Variants in CPXM2 observed in about 807,000 individuals in gnomAD.
CPXM2 encodes the protein inactive carboxypeptidase-like protein X2.
CPXM2 carries 66 observed loss-of-function variants against 86.1 expected under a neutral mutation model. That is an observed-to-expected ratio of 0.77 (90% CI 0.63 to 0.94). The LOEUF is 0.94. Among genes scored for constraint, CPXM2 ranks in the 40% least tolerant of loss-of-function variants. CPXM2 has a pLI of 0.00. For missense variants in CPXM2, 948 were observed against 1,026.3 expected, an observed-to-expected ratio of 0.92 and a Z score of 1.04; for synonymous variants, 388 against 400.2, an observed-to-expected ratio of 0.97 and a Z score of 0.36.
intron 4 of CPXM2, among the ~76,000 whole-genome samples, chr10:123,801,482 A>G (rs770677979): frequency 1.3e-5 from 2 of 152,018 alleles, no homozygotes; most frequent in African/African-American, 4.8e-5. Context: ...AGTTCTGTCA[A>G]TTTTAACTCC....
Position 123,842,400 on chromosome 10 carries a change from C to A in CPXM2, c.602G>T (p.Arg201Leu). 1.2e-6 allele frequency: 2 copies of A among 1,614,242 alleles called. No homozygotes were observed. The highest frequency in any genetic ancestry group is 1.7e-6 in the Non-Finnish European group (2 of 1,180,036). Residue 201 changes from arginine to leucine, a missense_variant, in exon 4 of 14, where the codon CGC becomes CTC. Coordinates refer to ENST00000241305, the MANE Select transcript of CPXM2 (RefSeq NM_198148.3). ...LQQWIEVDAR[R>L]LTRFTGVITQ... ...GATGACACCAGTGAATCTGGTCAGG[C>A]GCCGAGCATCCACTTCAATCCACTG...
rs540740927 is a variant in CPXM2, at chr10:123,843,775, C to T, written c.514-1287G>A. ...CCATCACTGTACCAGCTAACATAAG[C>T]GTTCTATCAGGACAAAACCACAGTA... On this transcript the variant is annotated intron_variant, in intron 3 of 13. Coordinates refer to ENST00000241305, the MANE Select transcript of CPXM2 (RefSeq NM_198148.3). Among the ~76,000 whole-genome samples the T allele has an allele frequency of 1.5e-4, 23 of 152,250 alleles. No homozygotes were observed. In the South Asian group the frequency reaches 2.7e-3, roughly 18 times the overall value.
intron 2 of CPXM2, among the ~76,000 whole-genome samples, chr10:123,929,790 C>T (rs1201518568): frequency 6.6e-6 from 1 of 152,198 alleles, no homozygotes; most frequent in Non-Finnish European, 1.5e-5. Flanking sequence ...GGTGTGCACC[C>T]ACACAGATAC....
rs532803793 is a variant in CPXM2 at position 123,747,013 on chromosome 10, G to A, written c.2022C>T (p.Asn674=). The change falls in exon 14 of 14, where the codon AAC becomes AAT. Residue 674 remains asparagine, a synonymous_variant. Coordinates refer to ENST00000241305, the MANE Select transcript of CPXM2 (RefSeq NM_198148.3). ...TCAGGAGGCGCCAGTAATCCCCATC[G>A]TTGGCTGTGAAAAAGAAAACCAGGG... ...EGINHDIRTA[N]DGDYWRLLNP... The A allele has an allele frequency of 9.9e-6, 16 of 1,613,258 alleles. No individual in the cohort carries two copies. The highest frequency in any genetic ancestry group is 7.7e-5 in the South Asian group (7 of 91,008).
At chr10:123,926,797 G>A (rs911981837) in intron 2 of CPXM2, among the ~76,000 whole-genome samples, 1 of 152,074 alleles carries the variant, frequency 6.6e-6, no homozygotes, top group Non-Finnish European at 1.5e-5. Context: ...AGACAAGACA[G>A]GGGAATCCCC....
chr10:123,757,107 G>C (rs1436975579), intron 12 of CPXM2, 106 bp downstream of exon 12: 51 of 1,048,146 alleles, frequency 4.9e-5, no homozygotes, highest in Non-Finnish European at 7.1e-5. Context: ...GGCCCAGGAT[G>C]ACGGCCAAGG....
At chr10:123,821,246 G>A (rs1307564256) in intron 4 of CPXM2, among the ~76,000 whole-genome samples, 2 of 152,202 alleles carry the variant, frequency 1.3e-5, no homozygotes, top group Non-Finnish European at 2.9e-5. Context: ...TGGACATAGA[G>A]TTCAAATTTC....
At chr10:123,853,005 T>C (rs1430091315) in intron 3 of CPXM2, among the ~76,000 whole-genome samples, 2 of 152,196 alleles carry the variant, frequency 1.3e-5, no homozygotes, top group African/African-American at 4.8e-5. Context: ...CGTCAAATTG[T>C]AATTCCCAGT....
chr10:123,798,147 A>C (rs1162944979), intron 5 of CPXM2, 21 bp from the exon 6 acceptor site: 1 of 1,572,764 alleles, frequency 6.4e-7, no homozygotes, highest in Non-Finnish European at 8.6e-7. Flanking sequence ...TCATGGGAGA[A>C]AAGGAAAATC....
chr10:123,789,934 C>T (rs1024996520), intron 6 of CPXM2, among the ~76,000 whole-genome samples: 20 of 152,096 alleles, frequency 1.3e-4, no homozygotes, highest in Non-Finnish European at 1.8e-4. Flanking sequence ...CTGGCTAACA[C>T]GGTGAAACCC....
intron 7 of CPXM2, 134 bp from the exon 8 acceptor site, chr10:123,771,173 C>T: frequency 1.3e-6 from 1 of 742,958 alleles, no homozygotes; most frequent in South Asian, 1.6e-5. Context: ...CACACCCCAG[C>T]TGCTATCGCC....
chr10:123,750,170 T>C (rs917413815), intron 13 of CPXM2: 37 of 985,262 alleles, frequency 3.8e-5, no homozygotes, highest in Non-Finnish European at 4.3e-5. Flanking sequence ...TCAAGAAATT[T>C]GTTCTGTCCT....
At chr10:123,757,449 G>C (rs545448414) in intron 11 of CPXM2, 97 bp from the exon 12 acceptor site, 5 of 1,044,390 alleles carry the variant, frequency 4.8e-6, no homozygotes, top group African/African-American at 3.1e-5. Context: ...AAGAACATTC[G>C]GAAGGCCTTG....
chr10:123,746,352 G>A lies in CPXM2; in HGVS notation c.*412C>T, dbSNP rs963449260. The A allele has an allele frequency of 4.9e-6, 1 of 203,380 alleles. No individual in the cohort carries two copies. Among genetic ancestry groups the A allele is most frequent in the African/African-American group, 2.3e-5 (1 of 42,618 alleles). 12.6% of individuals were successfully genotyped at this position (203,380 alleles called of 1,614,324 possible). A position where few individuals can be genotyped will look rare whatever the true frequency, so the allele number is the denominator to read the frequency against. On this transcript the variant is annotated 3_prime_UTR_variant, in exon 14 of 14. Transcript: ENST00000241305. ...GGTAACATTTGGGACAGCCCAGCTG[G>A]GGAAATGCTGCAATTTTAGCTGTGC...
At chr10:123,876,803 T>G (rs1944996204) in intron 2 of CPXM2, among the ~76,000 whole-genome samples, 1 of 152,214 alleles carries the variant, frequency 6.6e-6, no homozygotes, top group South Asian at 2.1e-4. Flanking sequence ...TGCTGAGAGC[T>G]TACTGTGTGC....
chr10:123,901,915 G>T (rs1197891710), intron 2 of CPXM2, among the ~76,000 whole-genome samples: 1 of 152,086 alleles, frequency 6.6e-6, no homozygotes, highest in Non-Finnish European at 1.5e-5. Flanking sequence ...GGAGGTAAGC[G>T]GGGCTGAATT....
intron 2 of CPXM2, among the ~76,000 whole-genome samples, chr10:123,922,629 G>A (rs1020971317): frequency 1.3e-5 from 2 of 152,202 alleles, no homozygotes; most frequent in African/African-American, 4.8e-5. Flanking sequence ...TTGTCTCACT[G>A]AGTCTACAAC....
chr10:123,871,590 A>G (rs1408375462), intron 2 of CPXM2, among the ~76,000 whole-genome samples: 1 of 152,236 alleles, frequency 6.6e-6, no homozygotes, highest in Non-Finnish European at 1.5e-5. Context: ...TAGTGAAAAT[A>G]TGTTCATGTA....
intron 4 of CPXM2, among the ~76,000 whole-genome samples, chr10:123,804,603 C>G (rs1198408790): frequency 6.6e-6 from 1 of 152,044 alleles, no homozygotes; most frequent in African/African-American, 2.4e-5. Flanking sequence ...TTGTGGGCTC[C>G]TTTGGATGTT....
Sources: gnomAD v4.1 joint callset for allele counts (sites outside exome capture counted in the v4.1 genomes callset) on GRCh38, gnomAD v4.1.1 for gene constraint, MANE v1.5 for transcripts, NCBI Gene and HGNC (gene_info 2026-07-23, HGNC 2026-07-21) for gene names.